Variants in PKD1 observed in about 807,000 individuals in gnomAD.
PKD1 encodes the protein polycystin-1.
A neutral mutation model predicts 361.7 loss-of-function variants in PKD1; 81 were observed. That is an observed-to-expected ratio of 0.22 (90% CI 0.19 to 0.27). PKD1 has a LOEUF of 0.27. PKD1 is among the 10% of genes least tolerant of loss of function. The pLI is 1.00. For missense variants in PKD1, 6,399 were observed against 6,118.3 expected, an observed-to-expected ratio of 1.05 and a Z score of -1.53; for synonymous variants, 3,615 against 2,818.3, an observed-to-expected ratio of 1.28 and a Z score of -8.95.
chr16:2,114,333 A>G lies in PKD1; in HGVS notation c.2690T>C (p.Val897Ala). 5.6e-6 allele frequency: 9 copies of G among 1,610,500 alleles called. No homozygotes were observed. The highest frequency in any genetic ancestry group is 7.6e-6 in the Non-Finnish European group (9 of 1,179,660). The change falls in exon 11 of 46, where the codon GTA (valine) becomes GCA (alanine). Residue 897 changes from valine to alanine, a missense_variant. By Grantham distance (64) the Val-to-Ala change is moderately conservative. Coordinates refer to ENST00000262304, the MANE Select transcript of PKD1 (RefSeq NM_001009944.3). ...WETNDTLFSV[V>A]ALPWLSEGEH... Reference sequence around the variant, plus strand: ...CCCCTCACTGAGCCACGGCAGTGCTACCACTGAGAACAGGGTATCGTTGGT... The same window carrying G: ...CCCCTCACTGAGCCACGGCAGTGCTGCCACTGAGAACAGGGTATCGTTGGT...
In PKD1 at chr16:2,109,801, G is replaced by A. The variant is rs1377414968; in HGVS notation, c.5366C>T (p.Ser1789Leu). The A allele has an allele frequency of 2.5e-6, 4 of 1,610,400 alleles. No homozygotes were observed. The highest frequency in any genetic ancestry group is 2.2e-5 in the East Asian group (1 of 44,886). ...ATCCACTTCCACGGTGGCGTTGGCT[G>A]AGCCCAGCGGGTTCCCTGCCGTCAT... The part of the protein sequence containing the change: ...VTMTAGNPLG[S>L]ANATVEVDVQ... Residue 1789 changes from serine (S) to leucine (L), a missense_variant, in exon 15 of 46, where the codon TCA becomes TTA. Coordinates refer to ENST00000262304, the MANE Select transcript of PKD1 (RefSeq NM_001009944.3).
Position 2,111,494 on chromosome 16 carries a change from G to C in PKD1, c.3673C>G (p.Gln1225Glu). Reference sequence around the variant, plus strand: ...GCGCTGACCACCACGGGGGCGCCCTGCTCCACGGCCAGGCTCATGTCCACG... The same window carrying C: ...GCGCTGACCACCACGGGGGCGCCCTCCTCCACGGCCAGGCTCATGTCCACG... ...LSVDMSLAVEQGAPVVVSAAV... is the reference protein window; with the variant it reads ...LSVDMSLAVEEGAPVVVSAAV... Residue 1225 changes from glutamine to glutamate, a missense_variant, in exon 15 of 46, where the codon CAG (glutamine) becomes GAG (glutamate). Transcript: ENST00000262304. The C allele has an allele frequency of 6.2e-7, 1 of 1,611,088 alleles. No homozygotes were observed. The highest frequency in any genetic ancestry group is 8.5e-7 in the Non-Finnish European group (1 of 1,179,304).
In PKD1 at chr16:2,102,589, T is replaced by C. The variant is rs2092140615; in HGVS notation, c.8993A>G (p.His2998Arg). 1.9e-6 allele frequency: 3 copies of C among 1,610,938 alleles called. No individual in the cohort carries two copies. The highest frequency in any genetic ancestry group is 1.3e-5 in the African/African-American group (1 of 74,876). Residue 2998 changes from histidine to arginine, a missense_variant, in exon 25 of 46, where the codon CAC (histidine) becomes CGC (arginine). By Grantham distance (29) the His-to-Arg change is conservative. Transcript: ENST00000262304. ...AGSYHLNLSS[H>R]FRWSALQVSV... The stretch of plus-strand genomic sequence containing the variant: ...CACCTGCAGCGCCGACCAGCGGAAG[T>C]GGCTGGAGAGGTTCAGATGGTAACT...
chr16:2,112,550 A>C, intron 13 of PKD1, 77 bp from the exon 14 acceptor site: 2 of 1,361,074 alleles, frequency 1.5e-6, no homozygotes, highest in Non-Finnish European at 2.0e-6. Flanking sequence ...CTTGGGACCC[A>C]GCCGAGGCTC....
rs769987725 is a variant in PKD1 at position 2,092,039 on chromosome 16, C to G, written c.11411+8G>C. 4 of 1,612,782 alleles carry G rather than the reference C, an allele frequency of 2.5e-6. No individual in the cohort carries two copies. The highest frequency in any genetic ancestry group is 1.7e-5 in the Admixed American group (1 of 60,026). On this transcript the variant is annotated splice_region_variant and intron_variant, in intron 40 of 45. Transcript: ENST00000262304. Reference sequence around the variant, plus strand: ...GGCGTAGACGCCCGGGGCCCTCGCTCTGCTCACCCCAGCAGATCCGGCGCT... The same window carrying G: ...GGCGTAGACGCCCGGGGCCCTCGCTGTGCTCACCCCAGCAGATCCGGCGCT...
At chr16:2,107,647 G>A (rs1462435845) in intron 16 of PKD1, 9 of 608,356 alleles carry the variant, frequency 1.5e-5, no homozygotes, top group East Asian at 5.7e-5. Context: ...GGTATTGCTA[G>A]GGGACTGTGT....
intron 20 of PKD1, 115 bp downstream of exon 20, chr16:2,105,750 G>T (rs1353381771): frequency 7.5e-7 from 1 of 1,342,174 alleles, no homozygotes. Flanking sequence ...AGGGTCACTG[G>T]GATTTATCTC....
chr16:2,090,619 G>C lies in PKD1; in HGVS notation c.12139-29C>G, dbSNP rs200814399. 127 of 1,608,936 alleles carry C rather than the reference G, an allele frequency of 7.9e-5. No homozygotes were observed. The African/African-American group carries it at 1.5e-3, about 19-fold the overall frequency. Reference sequence around the variant, plus strand: ...CGGGGAAGGCGACACCAGTGAGGGCGTACAGCTGAGCTGAGCTGAGCTAAG... The same window carrying C: ...CGGGGAAGGCGACACCAGTGAGGGCCTACAGCTGAGCTGAGCTGAGCTAAG... On this transcript the variant is annotated intron_variant, in intron 44 of 45. Coordinates refer to ENST00000262304, the MANE Select transcript of PKD1 (RefSeq NM_001009944.3).
chr16:2,128,868 C>CA (rs2092831831), intron 1 of PKD1, among the ~76,000 whole-genome samples: 1 of 151,416 alleles, frequency 6.6e-6, no homozygotes, highest in Admixed American at 6.6e-5. Flanking sequence ...CCACGCTCAG[C>CA]ATTTTTTTTT....
Position 2,109,775 on chromosome 16 carries a change from C to G in PKD1, c.5392G>C (p.Val1798Leu), listed in dbSNP as rs759998149. The change falls in exon 15 of 46, where the codon GTG (valine) becomes CTG (leucine). Residue 1798 changes from valine to leucine, a missense_variant. Physicochemically the swap from Val to Leu is conservative, Grantham distance 32. Coordinates refer to ENST00000262304, the MANE Select transcript of PKD1 (RefSeq NM_001009944.3). ...GSANATVEVD[V>L]QVPVSGLSIR... Reference sequence around the variant, plus strand: ...CTGAGGCCACTCACAGGCACCTGCACATCCACTTCCACGGTGGCGTTGGCT... The same window carrying G: ...CTGAGGCCACTCACAGGCACCTGCAGATCCACTTCCACGGTGGCGTTGGCT... The G allele has an allele frequency of 1.2e-6, 2 of 1,609,918 alleles. No individual in the cohort carries two copies. The highest frequency in any genetic ancestry group is 1.7e-6 in the Non-Finnish European group (2 of 1,179,424).
chr16:2,111,847 G>A lies in PKD1; in HGVS notation c.3320C>T (p.Ala1107Val), dbSNP rs2092515080. The part of the protein sequence containing the change: ...APGEYLLTVL[A>V]SNAFENLTQQ... ...CGTCAGGTTCTCGAAGGCATTAGAT[G>A]CCAGCACGGTCAGGAGGTACTCACC... Residue 1107 changes from alanine (A) to valine (V), a missense_variant, in exon 15 of 46, where the codon GCA (alanine) becomes GTA (valine). Coordinates refer to ENST00000262304, the MANE Select transcript of PKD1 (RefSeq NM_001009944.3). 1.9e-6 allele frequency: 3 copies of A among 1,610,310 alleles called. No individual in the cohort carries two copies. In the East Asian group the frequency reaches 6.7e-5, roughly 36 times the overall value.
At chr16:2,107,563 C>T in intron 16 of PKD1, 1 of 467,350 alleles carries the variant, frequency 2.1e-6, no homozygotes, top group Admixed American at 3.4e-5. Context: ...ACCGGCCCAC[C>T]ACATCCAGCA....
chr16:2,105,048 G>A (rs1451234949), intron 21 of PKD1, among the ~76,000 whole-genome samples: 3 of 89,676 alleles, frequency 3.3e-5, no homozygotes, highest in Non-Finnish European at 7.2e-5. Flanking sequence ...GGGAGGGGAG[G>A]GGAGAGTGGA....
rs568400994 is a variant in PKD1 at position 2,108,064 on chromosome 16, T to G, written c.6916-32A>C. 217 of 1,585,864 alleles carry G rather than the reference T, an allele frequency of 1.4e-4. 2 individuals carry two copies. The South Asian group carries it at 2.4e-3, about 17-fold the overall frequency. ...GCCGAGAACAAGGGGCGACGTGGCC[T>G]GAGAGCCCCATCCAGTTTTAAAGCA... is the stretch of plus-strand genomic sequence containing the variant. On this transcript the variant is annotated intron_variant, in intron 15 of 45. Transcript: ENST00000262304.
At position 2,100,566 on chromosome 16, in the gene PKD1, C is replaced by T. The variant is rs1303008581; in HGVS notation, c.9398G>A (p.Gly3133Asp). 8.7e-6 allele frequency: 14 copies of T among 1,609,564 alleles called. No individual in the cohort carries two copies. Among genetic ancestry groups the T allele is most frequent in the Non-Finnish European group, 1.2e-5 (14 of 1,179,356 alleles). Residue 3133 changes from glycine to aspartate, a missense_variant and splice_region_variant, in exon 27 of 46, where the codon GGT becomes GAT. Coordinates refer to ENST00000262304, the MANE Select transcript of PKD1 (RefSeq NM_001009944.3). This position sits in a 1 kb window ranked among gnomAD's most constrained non-coding sequence, Gnocchi z 4.4. ...LVKTGWGRGS[G>D]TTAHVGIMLY... ...CATGATGCCCACGTGGGCCGTGGTA[C>T]CTGGGAGGCAAGAGGGAGGGGTGGG... is the stretch of plus-strand genomic sequence containing the variant.
chr16:2,110,888 T>C lies in PKD1; in HGVS notation c.4279A>G (p.Arg1427Gly). The C allele has an allele frequency of 1.9e-6, 3 of 1,611,570 alleles. No individual in the cohort carries two copies. The highest frequency in any genetic ancestry group is 2.5e-6 in the Non-Finnish European group (3 of 1,179,810). Residue 1427 changes from arginine (R) to glycine (G), a missense_variant, in exon 15 of 46, where the codon AGG (arginine) becomes GGG (glycine). Coordinates refer to ENST00000262304, the MANE Select transcript of PKD1 (RefSeq NM_001009944.3). ...GTEEAAPTRARGPEVTFIYRD... is the reference protein window; with the variant it reads ...GTEEAAPTRAGGPEVTFIYRD... ...TAGATGAACGTCACCTCAGGGCCCC[T>C]GGCACGGGTGGGGGCGGCTTCCTCG... is the stretch of plus-strand genomic sequence containing the variant.
At chr16:2,122,200 C>G (rs1567222206) in intron 1 of PKD1, among the ~76,000 whole-genome samples, 1 of 152,256 alleles carries the variant, frequency 6.6e-6, no homozygotes, top group Non-Finnish European at 1.5e-5. Context: ...AGGCCCTCAC[C>G]TGGGCTGGGT....
At chr16:2,092,212 C>T in intron 39 of PKD1, 24 bp from the exon 40 acceptor site, 1 of 1,566,900 alleles carries the variant, frequency 6.4e-7, no homozygotes, top group Non-Finnish European at 8.6e-7. Context: ...AGCCCCAGGC[C>T]GGGGCCAGGG....
At chr16:2,134,051 G>A (rs1292679391) in intron 1 of PKD1, among the ~76,000 whole-genome samples, 1 of 142,370 alleles carries the variant, frequency 7.0e-6, no homozygotes, top group East Asian at 1.9e-4. Context: ...CCCAGTGACC[G>A]GCCTGGCAGA....
Sources: allele counts gnomAD v4.1 joint callset (sites outside exome capture counted in the v4.1 genomes callset), GRCh38; gene constraint gnomAD v4.1.1; non-coding constraint Gnocchi (gnomAD v3.1); transcripts MANE v1.5; gene names NCBI Gene and HGNC (gene_info 2026-07-23, HGNC 2026-07-21).